Variants in HS3ST2 observed in about 807,000 individuals in gnomAD.
HS3ST2 encodes the protein heparan sulfate-glucosamine 3-sulfotransferase 2, also known as heparan sulfate glucosamine 3-O-sulfotransferase 2.
HS3ST2 carries 17 observed loss-of-function variants against 26.3 expected under a neutral mutation model. That is an observed-to-expected ratio of 0.65 (90% CI 0.44 to 0.97). HS3ST2 has a LOEUF of 0.97. Among genes scored for constraint, HS3ST2 ranks in the 50% least tolerant of loss-of-function variants. HS3ST2 has a pLI of 0.00. For synonymous variants in HS3ST2, 237 were observed against 219.2 expected (o/e 1.08, Z -0.72); for missense variants, 402 against 501.2 (o/e 0.80, Z 1.89).
At position 22,863,357 on chromosome 16, in the gene HS3ST2, C is replaced by T. The variant is rs1901705834; in HGVS notation, c.485+48262C>T. Among the ~76,000 whole-genome samples, 3 of 152,202 alleles carry T rather than the reference C, an allele frequency of 2.0e-5. No homozygotes were observed. The South Asian group carries it at 6.2e-4, about 32-fold the overall frequency. ...CTCTGATTCAATGCCCCTCTTCCTCCAGGATGCCCTCAAAAACCTACCTGG... is the reference window on the plus strand; with the variant it reads ...CTCTGATTCAATGCCCCTCTTCCTCTAGGATGCCCTCAAAAACCTACCTGG... On this transcript the variant is annotated intron_variant, in intron 1 of 1. Transcript: ENST00000261374.
At chr16:22,856,478 C>T (rs1901596717) in intron 1 of HS3ST2, among the ~76,000 whole-genome samples, 1 of 152,316 alleles carries the variant, frequency 6.6e-6, no homozygotes, top group Non-Finnish European at 1.5e-5. Context: ...CCTCAGTCTC[C>T]TGTCTTTTCC....
chr16:22,890,245 A>G (rs1343551375), intron 1 of HS3ST2, among the ~76,000 whole-genome samples: 4 of 152,228 alleles, frequency 2.6e-5, no homozygotes, highest in Non-Finnish European at 5.9e-5. Context: ...TAATAATCAC[A>G]TTAATAATCA....
chr16:22,877,097 A>G (rs1170509962), intron 1 of HS3ST2, among the ~76,000 whole-genome samples: 1 of 152,166 alleles, frequency 6.6e-6, no homozygotes, highest in Non-Finnish European at 1.5e-5. Flanking sequence ...CCATGCAACC[A>G]AACACCAGCC....
Position 22,897,652 on chromosome 16 carries a change from T to TTA in HS3ST2, c.486-17292_486-17291insTA, listed in dbSNP as rs1567499527. Among the ~76,000 whole-genome samples, 15 of 93,664 alleles carry TTA rather than the reference T, an allele frequency of 1.6e-4. 3 individuals are homozygous for TTA. Among genetic ancestry groups the TTA allele is most frequent in the Admixed American group, 1.6e-3 (14 of 9,018 alleles). 61.4% of individuals were successfully genotyped at this position (93,664 alleles called of 152,430 possible). On this transcript the variant is annotated intron_variant, in intron 1 of 1. Coordinates refer to ENST00000261374, the MANE Select transcript of HS3ST2 (RefSeq NM_006043.2). ...TTTCTAAAATACATTAAAATAAGCA[T>TTA]CTTTGCCTTGCCTAACTTTAATGAG...
intron 1 of HS3ST2, among the ~76,000 whole-genome samples, chr16:22,818,457 C>T (rs1900907868): frequency 6.6e-6 from 1 of 152,106 alleles, no homozygotes; most frequent in African/African-American, 2.4e-5. Flanking sequence ...AATGTTACTA[C>T]TGTTATTGCT....
At chr16:22,817,458 A>G (rs1480225632) in intron 1 of HS3ST2, among the ~76,000 whole-genome samples, 1 of 152,230 alleles carries the variant, frequency 6.6e-6, no homozygotes, top group East Asian at 1.9e-4. Context: ...TGCTGTTTCC[A>G]TAACCTCCAG....
chr16:22,865,169 T>G (rs1358328025), intron 1 of HS3ST2, among the ~76,000 whole-genome samples: 2 of 151,898 alleles, frequency 1.3e-5, no homozygotes, highest in East Asian at 1.9e-4. Flanking sequence ...GAAACCTCAT[T>G]TAAGAAGATA....
intron 1 of HS3ST2, among the ~76,000 whole-genome samples, chr16:22,821,481 C>T (rs531013600): frequency 6.6e-6 from 1 of 151,680 alleles, no homozygotes; most frequent in Non-Finnish European, 1.5e-5. Context: ...TTGATCAGAT[C>T]CCCTGGAGGA....
chr16:22,815,039 G>T lies in HS3ST2; in HGVS notation c.429G>T (p.Leu143Phe). The T allele has an allele frequency of 6.2e-7, 1 of 1,613,144 alleles. No homozygotes were observed. The highest frequency in any genetic ancestry group is 8.5e-7 in the Non-Finnish European group (1 of 1,180,018). ...FIRVHPDVRA[L>F]GTEPHFFDRN... ...GAGTACACCCGGACGTGCGGGCCTT[G>T]GGCACGGAACCCCACTTCTTTGACA... is the stretch of plus-strand genomic sequence containing the variant. Residue 143 changes from leucine (L) to phenylalanine (F), a missense_variant, in exon 1 of 2, where the codon TTG (leucine) becomes TTT (phenylalanine). This residue lies in a region of HS3ST2 where 237 missense variants were observed against 346.6 expected (regional missense o/e 0.68). Transcript: ENST00000261374.
chr16:22,864,720 T>A (rs8064157), intron 1 of HS3ST2, among the ~76,000 whole-genome samples: 185 of 151,768 alleles, frequency 1.2e-3, no homozygotes, highest in Admixed American at 5.4e-3. Context: ...AACAAATACA[T>A]CCAAGTGCTG....
intron 1 of HS3ST2, among the ~76,000 whole-genome samples, chr16:22,838,401 G>A (rs9935677): frequency 0.018 from 2,790 of 152,224 alleles, 88 homozygotes; most frequent in African/African-American, 0.063. Context: ...GGATCAAAGA[G>A]GCTTTTTTGA....
At chr16:22,826,982 G>A (rs1161240760) in intron 1 of HS3ST2, among the ~76,000 whole-genome samples, 3 of 152,208 alleles carry the variant, frequency 2.0e-5, no homozygotes, top group South Asian at 4.1e-4. Context: ...TAAGTGCCAT[G>A]GAGAAAATAC....
chr16:22,888,438 G>T (rs113714204), intron 1 of HS3ST2, among the ~76,000 whole-genome samples: 2,360 of 138,932 alleles, frequency 0.017, 38 homozygotes, highest in Middle Eastern at 0.082. Context: ...CCAGGCTGGA[G>T]TGCAGTGGCA....
chr16:22,845,552 T>G (rs1013374865), intron 1 of HS3ST2, among the ~76,000 whole-genome samples: 2 of 151,692 alleles, frequency 1.3e-5, no homozygotes, highest in African/African-American at 4.8e-5. Flanking sequence ...GAGGTTTCAC[T>G]ATGTTGGCCA....
chr16:22,906,814 G>A (rs1031689950), intron 1 of HS3ST2, among the ~76,000 whole-genome samples: 3 of 152,208 alleles, frequency 2.0e-5, no homozygotes, highest in Middle Eastern at 3.2e-3. Context: ...CTCAAGGGCC[G>A]CTTCTCAATG....
At chr16:22,846,443 T>G (rs1901434153) in intron 1 of HS3ST2, among the ~76,000 whole-genome samples, 1 of 152,134 alleles carries the variant, frequency 6.6e-6, no homozygotes, top group Non-Finnish European at 1.5e-5. Flanking sequence ...TGTACCTTCA[T>G]GTAAGCTTGG....
chr16:22,827,243 G>A (rs1901101526), intron 1 of HS3ST2, among the ~76,000 whole-genome samples: 1 of 152,214 alleles, frequency 6.6e-6, no homozygotes, highest in African/African-American at 2.4e-5. Flanking sequence ...GAGTGCCCAA[G>A]AAGTGCACAA....
chr16:22,815,198 G>C (rs1342475111), intron 1 of HS3ST2, 103 bp downstream of exon 1: 25 of 1,435,916 alleles, frequency 1.7e-5, no homozygotes, highest in Non-Finnish European at 2.0e-5. Context: ...CCAACTCATT[G>C]TATGGGTTCA....
chr16:22,892,813 C>T lies in HS3ST2; in HGVS notation c.486-22131C>T, dbSNP rs868644276. 2.6e-5 allele frequency among the ~76,000 whole-genome samples: 4 copies of T among 152,242 alleles called. No homozygotes were observed. The South Asian group carries it at 8.3e-4, about 32-fold the overall frequency. On this transcript the variant is annotated intron_variant, in intron 1 of 1. Coordinates refer to ENST00000261374, the MANE Select transcript of HS3ST2 (RefSeq NM_006043.2). ...TAATATGGGCTATTACAATTCCATC[C>T]CCCACGGCTCTTCAAAATGCGTTGG...
Sources: allele counts gnomAD v4.1 joint callset (sites outside exome capture counted in the v4.1 genomes callset), GRCh38; gene constraint gnomAD v4.1.1; regional missense constraint gnomAD v4.1.1; transcripts MANE v1.5; gene names NCBI Gene and HGNC (gene_info 2026-07-23, HGNC 2026-07-21).